The following ADAM22 variants were observed in gnomAD, a reference collection of about 807,000 sequenced individuals.
ADAM22 encodes ADAM metallopeptidase domain 22, also known as disintegrin and metalloproteinase domain-containing protein 22.
In ADAM22, 65 loss-of-function variants were observed where a neutral mutation model predicts 144.6. The ratio of observed to expected loss-of-function variants is 0.45; its 90% confidence interval spans 0.37 to 0.55. ADAM22 has a LOEUF of 0.55. ADAM22 is among the 20% of genes least tolerant of loss of function. ADAM22 has a pLI of 0.00. For missense variants in ADAM22, 974 were observed against 1,184.9 expected (o/e 0.82, Z 2.61); for synonymous variants, 391 against 412.6 (o/e 0.95, Z 0.63).
rs530218024 is a variant in ADAM22 at position 88,116,889 on chromosome 7, A to G, written c.607+75A>G. ...TTATTTAATGCCTTAGAACTAATCT[A>G]TATTTGGAATATCATTAGCCCACAT... On this transcript the variant is annotated intron_variant, in intron 7 of 31. Coordinates refer to ENST00000413139, the MANE Select transcript of ADAM22 (RefSeq NM_001324418.2). 3.6e-5 allele frequency: 39 copies of G among 1,087,914 alleles called. No homozygotes were observed. In the East Asian group the frequency reaches 8.6e-4, roughly 24 times the overall value. The allele number at this position is 1,087,914 out of a possible 1,614,324, so 67.4% of individuals were successfully genotyped here. A position where few individuals can be genotyped will look rare whatever the true frequency, so the allele number is the denominator to read the frequency against.
chr7:88,111,378 TTC>T (rs1166024758), intron 5 of ADAM22, among the ~76,000 whole-genome samples: 2 of 152,188 alleles, frequency 1.3e-5, no homozygotes, highest in African/African-American at 4.8e-5. Flanking sequence ...TGTTTTTTTT[TTC>T]ATTTTTGATT....
intron 3 of ADAM22, among the ~76,000 whole-genome samples, chr7:88,022,544 G>T (rs1798069525): frequency 6.6e-6 from 1 of 151,956 alleles, no homozygotes; most frequent in Non-Finnish European, 1.5e-5. Flanking sequence ...AGAGGATTTG[G>T]GTTAATGAAA....
intron 3 of ADAM22, among the ~76,000 whole-genome samples, chr7:88,040,892 G>T (rs1585192624): frequency 6.6e-6 from 1 of 152,058 alleles, no homozygotes; most frequent in African/African-American, 2.4e-5. Flanking sequence ...CGATGACTAA[G>T]GTCCCTGTTT....
chr7:87,935,356 A>G (rs1022142571), intron 2 of ADAM22, among the ~76,000 whole-genome samples, 170 bp downstream of exon 2: 1 of 152,216 alleles, frequency 6.6e-6, no homozygotes, highest in African/African-American at 2.4e-5. Context: ...GGAAAAGGGT[A>G]CAAAAAAGAA....
At chr7:88,017,434 A>G (rs1206628386) in intron 3 of ADAM22, among the ~76,000 whole-genome samples, 1 of 152,198 alleles carries the variant, frequency 6.6e-6, no homozygotes, top group Non-Finnish European at 1.5e-5. Context: ...CAAAAGTACT[A>G]TGCTGTGTCA....
Position 88,114,600 on chromosome 7 carries a change from G to A in ADAM22, c.490G>A (p.Gly164Arg), listed in dbSNP as rs371984804. 124 of 1,613,784 alleles carry A rather than the reference G, an allele frequency of 7.7e-5. No individual in the cohort carries two copies. In the African/African-American group the frequency reaches 7.9e-4, roughly 10 times the overall value. ...CGTTGGCAGTGGGATGTTCTATGAC[G>A]GGAACCACACATATCTCATTGAGCC... ...CHGLHGMFYD[G>R]NHTYLIEPEE... Residue 164 changes from glycine to arginine, a missense_variant, in exon 6 of 32, where the codon GGG becomes AGG. By Grantham distance (125) the Gly-to-Arg change is moderately radical (BLOSUM62 -2). Coordinates refer to ENST00000413139, the MANE Select transcript of ADAM22 (RefSeq NM_001324418.2).
At chr7:88,105,628 G>A (rs1009060180) in intron 4 of ADAM22, among the ~76,000 whole-genome samples, 9 of 152,294 alleles carry the variant, frequency 5.9e-5, no homozygotes, top group African/African-American at 2.2e-4. Context: ...CAGCCTAGGG[G>A]AAAGTTTAGA....
intron 29 of ADAM22, among the ~76,000 whole-genome samples, chr7:88,184,844 A>G (rs969167787): frequency 6.6e-6 from 1 of 152,186 alleles, no homozygotes; most frequent in Non-Finnish European, 1.5e-5. Flanking sequence ...CAGAGGAAAA[A>G]GTCCATCAAG....
chr7:87,973,687 C>G (rs1030450166), intron 2 of ADAM22, among the ~76,000 whole-genome samples: 6 of 152,098 alleles, frequency 3.9e-5, no homozygotes, highest in Non-Finnish European at 7.3e-5. Flanking sequence ...TGGAACCAAC[C>G]CAAATGTCCA....
At position 88,157,220 on chromosome 7, in the gene ADAM22, G is replaced by A. The variant is rs575510975; in HGVS notation, c.1907+1214G>A. ...AGAATTGTCTAGAAATAAAGGACTTGAGTTTCCATATTAACAGGCTCACCA... is the reference window on the plus strand; with the variant it reads ...AGAATTGTCTAGAAATAAAGGACTTAAGTTTCCATATTAACAGGCTCACCA... On this transcript the variant is annotated intron_variant, in intron 22 of 31. Transcript: ENST00000413139. Among the ~76,000 whole-genome samples the A allele has an allele frequency of 4.6e-5, 7 of 152,166 alleles. No individual in the cohort carries two copies. The South Asian group carries it at 1.5e-3, about 32-fold the overall frequency.
intron 2 of ADAM22, among the ~76,000 whole-genome samples, chr7:87,971,337 G>A (rs1850399141): frequency 6.6e-6 from 1 of 152,118 alleles, no homozygotes; most frequent in Non-Finnish European, 1.5e-5. Context: ...TAGGATGAAA[G>A]CAAGGAGTTG....
intron 29 of ADAM22, chr7:88,186,182 G>T (rs1848268685): frequency 9.4e-6 from 2 of 213,032 alleles, no homozygotes; most frequent in Non-Finnish European, 1.8e-5. Flanking sequence ...TGTTCTTAGG[G>T]TGTTGTATGC....
intron 3 of ADAM22, among the ~76,000 whole-genome samples, chr7:88,018,477 A>C (rs1797037150): frequency 1.3e-5 from 2 of 152,186 alleles, no homozygotes; most frequent in Non-Finnish European, 1.5e-5. Flanking sequence ...AGCATTTCAC[A>C]CTGAGTAGAG....
At chr7:87,942,250 A>G (rs187068619) in intron 2 of ADAM22, among the ~76,000 whole-genome samples, 6 of 152,326 alleles carry the variant, frequency 3.9e-5, no homozygotes, top group Admixed American at 2.0e-4. Context: ...GTTATATACT[A>G]AAATAGCTAA....
chr7:88,086,501 T>C (rs976063573), intron 4 of ADAM22, among the ~76,000 whole-genome samples: 3 of 152,194 alleles, frequency 2.0e-5, no homozygotes, highest in African/African-American at 4.8e-5. Flanking sequence ...AAAAATAAAG[T>C]CTTTATGCAA....
chr7:88,013,345 A>C (rs940106778), intron 3 of ADAM22, among the ~76,000 whole-genome samples: 1 of 152,122 alleles, frequency 6.6e-6, no homozygotes, highest in Non-Finnish European at 1.5e-5. Flanking sequence ...GAGGGTAATG[A>C]CTTCTAAGCT....
At chr7:87,988,110 A>G (rs1043987416) in intron 3 of ADAM22, among the ~76,000 whole-genome samples, 2 of 152,238 alleles carry the variant, frequency 1.3e-5, no homozygotes, top group African/African-American at 4.8e-5. Context: ...TGACTATTTA[A>G]ATGAAAATTT....
chr7:88,035,779 A>G (rs1801395909), intron 3 of ADAM22, among the ~76,000 whole-genome samples: 1 of 152,196 alleles, frequency 6.6e-6, no homozygotes, highest in South Asian at 2.1e-4. Flanking sequence ...GGATTTTGGT[A>G]TCTGCTCAGG....
intron 4 of ADAM22, among the ~76,000 whole-genome samples, chr7:88,102,333 G>C (rs772851943): frequency 3.3e-5 from 5 of 152,134 alleles, no homozygotes; most frequent in Non-Finnish European, 7.3e-5. Flanking sequence ...GGAAGGCCCG[G>C]GCATCAGTTG....
Sources: gnomAD v4.1 joint callset for allele counts (sites outside exome capture counted in the v4.1 genomes callset) on GRCh38, gnomAD v4.1.1 for gene constraint, MANE v1.5 for transcripts, NCBI Gene and HGNC (gene_info 2026-07-23, HGNC 2026-07-21) for gene names.